SPTLC2: variants seen among roughly 807,000 people sequenced by gnomAD.
SPTLC2 encodes the protein serine palmitoyltransferase 2.
A neutral mutation model predicts 62.0 loss-of-function variants in SPTLC2; 21 were observed. That is an observed-to-expected ratio of 0.34 (90% CI 0.24 to 0.49). The LOEUF is 0.49. Among genes scored for constraint, SPTLC2 ranks in the 20% least tolerant of loss-of-function variants. The probability of loss-of-function intolerance (pLI) is 0.99; values close to 1 mark genes in which losing one functional copy is unlikely to be tolerated. For missense variants in SPTLC2, 511 were observed against 713.0 expected (o/e 0.72, Z 3.23); for synonymous variants, 261 against 261.8 (o/e 1.00, Z 0.03).
chr14:77,616,474 C>T lies in SPTLC2; in HGVS notation c.106G>A (p.Ala36Thr). The change falls in exon 1 of 12, where the codon GCC becomes ACC. Residue 36 changes from alanine to threonine, a missense_variant. Transcript: ENST00000216484. ...TGGCCGGCGGCGGCTGCGGCTGCGGCTGCAGCGCTGCTCCTCACGTACCCG... is the reference window on the plus strand; with the variant it reads ...TGGCCGGCGGCGGCTGCGGCTGCGGTTGCAGCGCTGCTCCTCACGTACCCG... ...RNGYVRSSAA[A>T]AAAAAAGQIH... The T allele has an allele frequency of 6.6e-7, 1 of 1,508,058 alleles. No individual in the cohort carries two copies. 93.4% of individuals were successfully genotyped at this position (1,508,058 alleles called of 1,614,324 possible).
chr14:77,582,944 G>A (rs1037478937), intron 2 of SPTLC2, among the ~76,000 whole-genome samples: 54 of 152,094 alleles, frequency 3.6e-4, no homozygotes, highest in African/African-American at 1.1e-3. Context: ...GGCTCACGCC[G>A]TAATCCCAGC....
At chr14:77,563,815 C>CTA (rs2079627908) in intron 5 of SPTLC2, among the ~76,000 whole-genome samples, 1 of 152,056 alleles carries the variant, frequency 6.6e-6, no homozygotes, top group Non-Finnish European at 1.5e-5. Flanking sequence ...CAAGGGTCAA[C>CTA]TATATATATA....
At chr14:77,572,106 C>T (rs2079687235) in intron 4 of SPTLC2, among the ~76,000 whole-genome samples, 1 of 152,202 alleles carries the variant, frequency 6.6e-6, no homozygotes, top group Non-Finnish European at 1.5e-5. Context: ...TATAAAATAT[C>T]AAATGCCATA....
chr14:77,515,542 CTTTTTTTTTTTTTT>C (rs71128633), intron 11 of SPTLC2, among the ~76,000 whole-genome samples: 7 of 124,684 alleles, frequency 5.6e-5, no homozygotes, highest in African/African-American at 3.5e-5. Flanking sequence ...AAGGGAAAGG[CTTTTTTTTTTTTTT>C]TTTTTTTTTT....
intron 1 of SPTLC2, among the ~76,000 whole-genome samples, chr14:77,603,628 G>C (rs2079889602): frequency 6.6e-6 from 1 of 152,158 alleles, no homozygotes. Context: ...TTGTCAGTAA[G>C]TATCTCATGT....
At chr14:77,604,151 T>A (rs2079892451) in intron 1 of SPTLC2, among the ~76,000 whole-genome samples, 1 of 152,222 alleles carries the variant, frequency 6.6e-6, no homozygotes, top group Admixed American at 6.5e-5. Flanking sequence ...TGTGACTATA[T>A]TTCCTGGACC....
chr14:77,514,536 C>T (rs1450329491), intron 11 of SPTLC2, among the ~76,000 whole-genome samples: 2 of 152,188 alleles, frequency 1.3e-5, no homozygotes, highest in African/African-American at 4.8e-5. Context: ...AGGAGAAAAA[C>T]ATGTATTCAT....
intron 1 of SPTLC2, among the ~76,000 whole-genome samples, chr14:77,598,885 T>C (rs958780528): frequency 1.3e-5 from 2 of 148,532 alleles, no homozygotes; most frequent in Non-Finnish European, 3.0e-5. Context: ...CAGTGAGCCA[T>C]GATCATGCCA....
chr14:77,559,765 C>A (rs921677625), intron 6 of SPTLC2, among the ~76,000 whole-genome samples: 2 of 152,050 alleles, frequency 1.3e-5, no homozygotes, highest in African/African-American at 4.8e-5. Flanking sequence ...GTGGTGGATG[C>A]CTACAGTCCT....
At chr14:77,597,758 A>T (rs7156939) in intron 1 of SPTLC2, among the ~76,000 whole-genome samples, 2 of 148,788 alleles carry the variant, frequency 1.3e-5, no homozygotes, top group Non-Finnish European at 3.0e-5. Context: ...TGGGTGACAG[A>T]GCAAGACTCC....
At chr14:77,535,470 G>A (rs2079464962) in intron 9 of SPTLC2, 1 of 153,830 alleles carries the variant, frequency 6.5e-6, no homozygotes, top group South Asian at 2.0e-4. Flanking sequence ...TCTATATTTA[G>A]AATAGATGCA....
At chr14:77,583,814 T>C (rs746260194) in intron 2 of SPTLC2, among the ~76,000 whole-genome samples, 11 of 151,800 alleles carry the variant, frequency 7.2e-5, no homozygotes, top group Middle Eastern at 3.4e-3. Context: ...TATAAAAGAG[T>C]GTTTGTCCAG....
At chr14:77,582,859 A>C (rs2079759416) in intron 2 of SPTLC2, among the ~76,000 whole-genome samples, 1 of 152,152 alleles carries the variant, frequency 6.6e-6, no homozygotes, top group Non-Finnish European at 1.5e-5. Context: ...CTCCTTAGCT[A>C]AGCTCCAGGG....
chr14:77,570,656 C>CCTG, intron 4 of SPTLC2, 148 bp from the exon 5 acceptor site: 1 of 911,276 alleles, frequency 1.1e-6, no homozygotes, highest in Non-Finnish European at 1.7e-6. Flanking sequence ...GAGTAATATT[C>CCTG]TTCATAATAT....
At chr14:77,576,987 G>A in intron 3 of SPTLC2, 72 bp from the exon 4 acceptor site, 1 of 1,554,112 alleles carries the variant, frequency 6.4e-7, no homozygotes, top group Non-Finnish European at 8.9e-7. Context: ...TAAATGAACT[G>A]GTGACACAAA....
At chr14:77,545,090 AAGTGAC>A (rs2079520771) in intron 9 of SPTLC2, among the ~76,000 whole-genome samples, 1 of 152,022 alleles carries the variant, frequency 6.6e-6, no homozygotes, top group Admixed American at 6.6e-5. Flanking sequence ...CATGTTTCAC[AAGTGAC>A]AGGAATAATT....
chr14:77,607,642 T>C (rs1304914055), intron 1 of SPTLC2, among the ~76,000 whole-genome samples: 1 of 152,226 alleles, frequency 6.6e-6, no homozygotes, highest in Non-Finnish European at 1.5e-5. Flanking sequence ...TTACTGCAAA[T>C]TCATCTTCCA....
chr14:77,552,707 G>A (rs2079561899), intron 8 of SPTLC2, among the ~76,000 whole-genome samples: 1 of 151,608 alleles, frequency 6.6e-6, no homozygotes, highest in South Asian at 2.1e-4. Flanking sequence ...TTGGGAGGCT[G>A]AGGCAGGAGA....
intron 11 of SPTLC2, among the ~76,000 whole-genome samples, chr14:77,514,753 G>C (rs932976534): frequency 3.9e-5 from 6 of 152,102 alleles, no homozygotes; most frequent in African/African-American, 1.4e-4. Context: ...TCTAGTTTTA[G>C]AGTATTTTTA....
Sources: allele counts gnomAD v4.1 joint callset (sites outside exome capture counted in the v4.1 genomes callset), GRCh38; gene constraint gnomAD v4.1.1; transcripts MANE v1.5; gene names NCBI Gene and HGNC (gene_info 2026-07-23, HGNC 2026-07-21).